The following CCDC60 variants were observed in gnomAD, a reference collection of about 807,000 sequenced individuals.
CCDC60 encodes coiled-coil domain containing 60.
Under a neutral mutation model 63.5 loss-of-function variants are expected in CCDC60, and 54 were observed. That is an observed-to-expected ratio of 0.85 (90% confidence interval 0.68 to 1.07). CCDC60 has a LOEUF of 1.07. CCDC60 is among the 50% of genes least tolerant of loss of function. The pLI, the probability that CCDC60 is intolerant of heterozygous loss-of-function variation, is 0.00. For missense variants in CCDC60, 651 were observed against 684.3 expected, an observed-to-expected ratio of 0.95 and a Z score of 0.54; for synonymous variants, 206 against 238.8, an observed-to-expected ratio of 0.86 and a Z score of 1.27.
At chr12:119,407,275 G>A (rs1422567467) in intron 1 of CCDC60, among the ~76,000 whole-genome samples, 1 of 152,130 alleles carries the variant, frequency 6.6e-6, no homozygotes, top group East Asian at 1.9e-4. Context: ...GGGAGGCCAA[G>A]GCGGGACAAT....
In CCDC60 at chr12:119,420,137, A is replaced by G. The variant is rs1956786203; in HGVS notation, c.91-8546A>G. 6.6e-6 allele frequency among the ~76,000 whole-genome samples: 1 copy of G among 152,094 alleles called. No homozygotes were observed. The highest frequency in any genetic ancestry group is 1.5e-5 in the Non-Finnish European group (1 of 68,018). ...GTGATCCACCCGCCTCGGCCTCCCA[A>G]AGTGCTGAGATTACAGGTATAAGCC... On this transcript the variant is annotated intron_variant, in intron 1 of 13. Transcript: ENST00000327554. The surrounding 1 kb of genome is among the most constrained non-coding windows in gnomAD (Gnocchi z 4.1).
chr12:119,498,436 G>A lies in CCDC60; in HGVS notation c.558-1642G>A, dbSNP rs181547703. ...CAACCTCCGCCTCCCAGGTTCAAGC[G>A]ATTCTGCTGCCTCAGCCTCCAGAGC... On this transcript the variant is annotated intron_variant, in intron 5 of 13. Transcript: ENST00000327554. Among the ~76,000 whole-genome samples, 271 of 152,148 alleles carry A rather than the reference G, an allele frequency of 1.8e-3. 1 individual carries two copies. The highest frequency in any genetic ancestry group is 2.3e-3 in the Non-Finnish European group (154 of 67,986).
intron 1 of CCDC60, among the ~76,000 whole-genome samples, chr12:119,380,473 G>A (rs76491239): frequency 0.013 from 2,049 of 152,284 alleles, 30 homozygotes; most frequent in African/African-American, 0.04. Flanking sequence ...ACCTGACGTC[G>A]TAATATCTCA....
intron 2 of CCDC60, among the ~76,000 whole-genome samples, chr12:119,470,802 A>T (rs990632487): frequency 6.6e-5 from 10 of 151,890 alleles, no homozygotes; most frequent in African/African-American, 2.4e-4. Context: ...TGCCTCTCCC[A>T]TTACCCTGTG....
At chr12:119,386,445 C>T (rs1020064175) in intron 1 of CCDC60, among the ~76,000 whole-genome samples, 2 of 151,798 alleles carry the variant, frequency 1.3e-5, no homozygotes, top group Non-Finnish European at 2.9e-5. Context: ...TTGTCAGACT[C>T]AGTCTCCTAA....
chr12:119,387,027 G>GTCTC (rs373728829), intron 1 of CCDC60, among the ~76,000 whole-genome samples: 16,273 of 98,084 alleles, frequency 0.17, 2,295 homozygotes, highest in Non-Finnish European at 0.21. Context: ...CTCCCCCTCT[G>GTCTC]TCTCTCTCAC....
rs1055711721 is a variant in CCDC60 at position 119,436,562 on chromosome 12, G to T, written c.170+7800G>T. The stretch of plus-strand genomic sequence containing the variant: ...AATACTTTTTTTTTTTTTTGAGACA[G>T]AGTTTCTCTCCTGTTGCCCAGGCTG... On this transcript the variant is annotated intron_variant, in intron 2 of 13. Transcript: ENST00000327554. 3.5e-5 allele frequency among the ~76,000 whole-genome samples: 5 copies of T among 142,558 alleles called. No homozygotes were observed. In the Admixed American group the frequency reaches 3.6e-4, roughly 10 times the overall value. The allele number at this position is 142,558 out of a possible 152,430, so 93.5% of individuals were successfully genotyped here.
intron 1 of CCDC60, among the ~76,000 whole-genome samples, chr12:119,343,008 C>T (rs932283975): frequency 4.6e-5 from 7 of 152,232 alleles, no homozygotes; most frequent in Non-Finnish European, 8.8e-5. Flanking sequence ...ATATGGGGTT[C>T]AGTGGCAAAT....
intron 11 of CCDC60, among the ~76,000 whole-genome samples, chr12:119,524,921 C>G (rs1337620553): frequency 6.6e-6 from 1 of 151,774 alleles, no homozygotes; most frequent in Non-Finnish European, 1.5e-5. Context: ...TCACCTTGGC[C>G]TCCCAAAATG....
intron 5 of CCDC60, among the ~76,000 whole-genome samples, chr12:119,498,331 C>G (rs1228141126): frequency 6.7e-6 from 1 of 149,648 alleles, no homozygotes; most frequent in Non-Finnish European, 1.5e-5. Flanking sequence ...TGTTCATCCT[C>G]TTTTTTTTTT....
intron 1 of CCDC60, among the ~76,000 whole-genome samples, chr12:119,378,674 C>T (rs1955978950): frequency 6.6e-6 from 1 of 152,184 alleles, no homozygotes; most frequent in Non-Finnish European, 1.5e-5. Context: ...TGCCTGCCTC[C>T]CCAGACACAG....
intron 7 of CCDC60, among the ~76,000 whole-genome samples, chr12:119,515,013 C>T (rs997298662): frequency 1.9e-4 from 29 of 152,158 alleles, no homozygotes; most frequent in African/African-American, 7.0e-4. Context: ...GAAAAATAAG[C>T]TGTATATACC....
intron 1 of CCDC60, among the ~76,000 whole-genome samples, chr12:119,341,194 G>A (rs1955528411): frequency 6.6e-6 from 1 of 152,230 alleles, no homozygotes; most frequent in South Asian, 2.1e-4. Flanking sequence ...ATGGGCATGT[G>A]ACAGTCGGCT....
At chr12:119,478,981 T>C in intron 3 of CCDC60, 113 bp from the exon 4 acceptor site, 1 of 737,456 alleles carries the variant, frequency 1.4e-6, no homozygotes, top group African/African-American at 1.7e-5. Flanking sequence ...ATTATTTGCC[T>C]GATACATAGT....
intron 2 of CCDC60, among the ~76,000 whole-genome samples, chr12:119,439,277 G>A (rs1950392248): frequency 1.3e-5 from 2 of 151,566 alleles, no homozygotes; most frequent in African/African-American, 4.8e-5. Flanking sequence ...GCACGTGCAT[G>A]CATACACACA....
intron 13 of CCDC60, among the ~76,000 whole-genome samples, chr12:119,535,200 G>A (rs376920431): frequency 9.2e-5 from 14 of 152,092 alleles, no homozygotes; most frequent in East Asian, 3.8e-4. Flanking sequence ...GTTTATTTGC[G>A]CAGAGGTGTT....
Position 119,523,708 on chromosome 12 carries a change from C to T in CCDC60, c.1119C>T (p.Asp373=), listed in dbSNP as rs1449173116. 1 of 1,614,172 alleles carries T rather than the reference C, an allele frequency of 6.2e-7. No homozygotes were observed. The highest frequency in any genetic ancestry group is 8.5e-7 in the Non-Finnish European group (1 of 1,179,986). Residue 373 remains aspartate, a synonymous_variant, in exon 11 of 14, where the codon GAC becomes GAT. Transcript: ENST00000327554. The part of the protein sequence containing the change: ...QKKSKNRTNC[D]INIHYKSGVC... ...GTGTCCACAGCCGCACTAATTGTGA[C>T]ATCAACATCCACTACAAGAGTGGGG...
intron 11 of CCDC60, among the ~76,000 whole-genome samples, chr12:119,527,361 G>A (rs185058531): frequency 8.5e-5 from 13 of 152,204 alleles, no homozygotes; most frequent in African/African-American, 3.1e-4. Flanking sequence ...ACAAACCCCC[G>A]TGACACATGT....
At chr12:119,529,933 T>C (rs1235394914) in intron 12 of CCDC60, among the ~76,000 whole-genome samples, 1 of 152,194 alleles carries the variant, frequency 6.6e-6, no homozygotes. Flanking sequence ...CATAGTAACA[T>C]TAAAATCAAG....
Sources: gnomAD v4.1 joint callset for allele counts (sites outside exome capture counted in the v4.1 genomes callset) on GRCh38, gnomAD v4.1.1 for gene constraint, Gnocchi (gnomAD v3.1) non-coding constraint, MANE v1.5 for transcripts, NCBI Gene and HGNC (gene_info 2026-07-23, HGNC 2026-07-21) for gene names.